DIAPH3: variants seen among roughly 807,000 people sequenced by gnomAD.
DIAPH3 encodes the protein diaphanous related formin 3, also known as protein diaphanous homolog 3.
DIAPH3 carries 117 observed loss-of-function variants against 144.3 expected under a neutral mutation model. The observed-to-expected ratio is 0.81, with a 90% CI of 0.70 to 0.95. DIAPH3 has a LOEUF of 0.95. Ranked by LOEUF, DIAPH3 falls within the 40% of genes least tolerant of loss-of-function variation. DIAPH3 has a pLI of 0.00. For synonymous variants in DIAPH3, 519 were observed against 488.9 expected (o/e 1.06, Z -0.81); for missense variants, 1,421 against 1,412.7 (o/e 1.01, Z -0.09).
intron 27 of DIAPH3, among the ~76,000 whole-genome samples, chr13:59,742,471 T>C (rs1038318686): frequency 4.6e-5 from 7 of 152,140 alleles, no homozygotes; most frequent in Non-Finnish European, 1.0e-4. Context: ...GGGAGGACTT[T>C]TCTGGTTCTT....
At chr13:59,697,618 C>T (rs1396457883) in intron 27 of DIAPH3, among the ~76,000 whole-genome samples, 1 of 152,014 alleles carries the variant, frequency 6.6e-6, no homozygotes, top group African/African-American at 2.4e-5. Context: ...CAGGAAACTG[C>T]ACTGCCTCTT....
chr13:59,769,554 T>C (rs2038017872), intron 27 of DIAPH3, among the ~76,000 whole-genome samples: 1 of 152,068 alleles, frequency 6.6e-6, no homozygotes, highest in Non-Finnish European at 1.5e-5. Context: ...TCTTTCCTTT[T>C]TGACTTTTTT....
chr13:59,681,821 G>A (rs1294227317), intron 27 of DIAPH3, among the ~76,000 whole-genome samples: 1 of 152,106 alleles, frequency 6.6e-6, no homozygotes, highest in Non-Finnish European at 1.5e-5. Flanking sequence ...AAGTTAGGGT[G>A]GAGCTCTGAT....
At chr13:59,914,412 A>G (rs1354816742) in intron 19 of DIAPH3, among the ~76,000 whole-genome samples, 1 of 152,226 alleles carries the variant, frequency 6.6e-6, no homozygotes, top group Non-Finnish European at 1.5e-5. Flanking sequence ...GGCTGGTTTT[A>G]TATTTAGAAA....
At chr13:59,766,215 C>T (rs1421168015) in intron 27 of DIAPH3, among the ~76,000 whole-genome samples, 3 of 152,110 alleles carry the variant, frequency 2.0e-5, no homozygotes, top group South Asian at 4.1e-4. Context: ...GATCATTTGC[C>T]CTTTTTCACA....
At chr13:59,728,549 A>G (rs941040839) in intron 27 of DIAPH3, among the ~76,000 whole-genome samples, 8 of 152,018 alleles carry the variant, frequency 5.3e-5, no homozygotes, top group Admixed American at 4.6e-4. Context: ...TAGGAGTAAA[A>G]TTTTTGTAAA....
chr13:60,004,469 G>T (rs1225541521), intron 9 of DIAPH3, among the ~76,000 whole-genome samples: 1 of 152,058 alleles, frequency 6.6e-6, no homozygotes, highest in African/African-American at 2.4e-5. Flanking sequence ...ATAGAAAATG[G>T]TATCTTTTAC....
chr13:59,738,178 A>T (rs1235224550), intron 27 of DIAPH3, among the ~76,000 whole-genome samples: 1 of 152,152 alleles, frequency 6.6e-6, no homozygotes, highest in Non-Finnish European at 1.5e-5. Flanking sequence ...AAAAATAAAA[A>T]ACAAAATAAA....
At chr13:60,161,743 A>C (rs922792926) in intron 1 of DIAPH3, among the ~76,000 whole-genome samples, 1 of 152,258 alleles carries the variant, frequency 6.6e-6, no homozygotes, top group African/African-American at 2.4e-5. Flanking sequence ...CTGTCAAATA[A>C]AGAATAAGAA....
At chr13:59,844,567 C>T (rs769390451) in intron 22 of DIAPH3, among the ~76,000 whole-genome samples, 13 of 150,672 alleles carry the variant, frequency 8.6e-5, no homozygotes, top group Admixed American at 2.0e-4. Context: ...TTAAATTGTA[C>T]ACTCTTAAAG....
chr13:60,152,516 C>G (rs1951834655), intron 1 of DIAPH3, among the ~76,000 whole-genome samples: 1 of 144,074 alleles, frequency 6.9e-6, no homozygotes, highest in Non-Finnish European at 1.5e-5. Context: ...AAATTGGAAC[C>G]CTAAAAAAAT....
intron 20 of DIAPH3, among the ~76,000 whole-genome samples, chr13:59,885,011 C>T (rs2045343242): frequency 6.6e-6 from 1 of 152,100 alleles, no homozygotes; most frequent in Non-Finnish European, 1.5e-5. Flanking sequence ...ATGTATATTC[C>T]TCCACTTAGT....
intron 5 of DIAPH3, among the ~76,000 whole-genome samples, chr13:60,028,224 A>G (rs1328182700): frequency 1.3e-5 from 2 of 151,998 alleles, no homozygotes; most frequent in African/African-American, 2.4e-5. Flanking sequence ...TTATAGCAAA[A>G]GGTCTCAAAA....
At chr13:59,881,614 G>A (rs1180018680) in intron 20 of DIAPH3, among the ~76,000 whole-genome samples, 1 of 152,076 alleles carries the variant, frequency 6.6e-6, no homozygotes, top group Non-Finnish European at 1.5e-5. Context: ...AGCCAGCATA[G>A]AGTAATTAAT....
intron 13 of DIAPH3, among the ~76,000 whole-genome samples, chr13:59,983,347 G>C (rs9570239): frequency 6.6e-6 from 1 of 151,442 alleles, no homozygotes; most frequent in Admixed American, 6.6e-5. Flanking sequence ...ATATGCAGCA[G>C]AAGTACTGTA....
intron 2 of DIAPH3, among the ~76,000 whole-genome samples, chr13:60,114,652 C>T (rs964513961): frequency 2.0e-5 from 3 of 151,254 alleles, no homozygotes; most frequent in East Asian, 1.9e-4. Flanking sequence ...GACACACACA[C>T]ACACACACAC....
chr13:59,776,029 C>T (rs1348067628), intron 25 of DIAPH3, among the ~76,000 whole-genome samples: 2 of 152,324 alleles, frequency 1.3e-5, no homozygotes, highest in Non-Finnish European at 2.9e-5. Context: ...GACAAGGTAA[C>T]TTGCAGGCAT....
At chr13:60,131,846 A>G (rs1309820436) in intron 2 of DIAPH3, among the ~76,000 whole-genome samples, 1 of 152,230 alleles carries the variant, frequency 6.6e-6, no homozygotes, top group East Asian at 1.9e-4. Context: ...AGCTGGGTTA[A>G]GTTAGCACAC....
chr13:60,101,561 G>C (rs1410211758), intron 3 of DIAPH3, among the ~76,000 whole-genome samples: 1 of 151,058 alleles, frequency 6.6e-6, no homozygotes, highest in Non-Finnish European at 1.5e-5. Context: ...AAAAGTGTTA[G>C]TGTATTTTAG....
Sources: allele counts gnomAD v4.1 joint callset (sites outside exome capture counted in the v4.1 genomes callset), GRCh38; gene constraint gnomAD v4.1.1; transcripts MANE v1.5; gene names NCBI Gene and HGNC (gene_info 2026-07-23, HGNC 2026-07-21).